Variants in BAZ2B observed in about 807,000 individuals in gnomAD.
BAZ2B encodes bromodomain adjacent to zinc finger domain 2B, also known as bromodomain adjacent to zinc finger domain protein 2B.
BAZ2B carries 91 observed loss-of-function variants against 246.0 expected under a neutral mutation model. That is an observed-to-expected ratio of 0.37 (90% confidence interval 0.31 to 0.44). BAZ2B has a LOEUF of 0.44. BAZ2B is among the 20% of genes least tolerant of loss of function. The pLI, the probability that BAZ2B is intolerant of heterozygous loss-of-function variation, is 1.00. For missense variants in BAZ2B, 2,332 were observed against 2,533.7 expected (o/e 0.92, Z 1.71); for synonymous variants, 855 against 860.0 (o/e 0.99, Z 0.10).
In BAZ2B at chr2:159,349,067, G is replaced by A. The variant is rs766895095; in HGVS notation, c.5077C>T (p.Pro1693Ser). ...PQNEKATSAQ[P>S]AAVEVAKPVD... ...GGTTTTGCTACTTCAACAGCTGCAG[G>A]TTGAGCTGAAGTGGCCTTTTCATTC... is the stretch of plus-strand genomic sequence containing the variant. Residue 1693 changes from proline to serine, a missense_variant, in exon 29 of 37, where the codon CCT becomes TCT. Around this residue, in one of 9 missense-constraint regions of BAZ2B, gnomAD observed 676 missense variants for 668.6 expected, o/e 1.01. Coordinates refer to ENST00000392783, the MANE Select transcript of BAZ2B (RefSeq NM_013450.4). 6.2e-7 allele frequency: 1 copy of A among 1,614,122 alleles called. No individual in the cohort carries two copies. Among genetic ancestry groups the A allele is most frequent in the Non-Finnish European group, 8.5e-7 (1 of 1,180,002 alleles).
intron 27 of BAZ2B, among the ~76,000 whole-genome samples, chr2:159,371,438 C>A (rs966850219): frequency 1.8e-4 from 27 of 152,336 alleles, no homozygotes; most frequent in Admixed American, 1.6e-3. Context: ...GCCACCATGT[C>A]TGGCCCATAA....
At chr2:159,622,263 CAAAAAAA>C in the BAZ2B span, among the ~76,000 whole-genome samples, 1 of 64,982 alleles carries the variant, frequency 1.5e-5, no homozygotes, top group Non-Finnish European at 2.9e-5. Flanking sequence ...AGTACTGTCT[CAAAAAAA>C]AAAAAAAAAA....
At chr2:159,424,153 T>C (rs1471468166) in intron 13 of BAZ2B, among the ~76,000 whole-genome samples, 3 of 152,148 alleles carry the variant, frequency 2.0e-5, no homozygotes, top group Non-Finnish European at 4.4e-5. Flanking sequence ...AATTATGGGC[T>C]TTTTTTCTTT....
intron 27 of BAZ2B, among the ~76,000 whole-genome samples, chr2:159,355,023 A>G (rs1468147685): frequency 6.6e-6 from 1 of 152,180 alleles, no homozygotes; most frequent in African/African-American, 2.4e-5. Context: ...AGTTCACTTA[A>G]TTGTTCTCAC....
chr2:159,489,721 A>G (rs1271954207), intron 2 of BAZ2B, among the ~76,000 whole-genome samples: 2 of 152,106 alleles, frequency 1.3e-5, no homozygotes, highest in East Asian at 3.9e-4. Context: ...TAGGCAAATT[A>G]GAAGAACCCA....
the BAZ2B span, among the ~76,000 whole-genome samples, chr2:159,684,819 A>C: frequency 2.6e-5 from 4 of 152,350 alleles, no homozygotes; most frequent in African/African-American, 9.6e-5. Context: ...GCATTCTATG[A>C]TATAGAATAA....
chr2:159,670,206 AG>A, the BAZ2B span, among the ~76,000 whole-genome samples: 1 of 152,156 alleles, frequency 6.6e-6, no homozygotes, highest in Non-Finnish European at 1.5e-5. Context: ...CCTGACCTCA[AG>A]TGATCCACCT....
At chr2:159,552,109 C>T (rs1227987773) in intron 2 of BAZ2B, among the ~76,000 whole-genome samples, 1 of 152,082 alleles carries the variant, frequency 6.6e-6, no homozygotes, top group African/African-American at 2.4e-5. Flanking sequence ...GGTTTTCTCG[C>T]CCATTACCTA....
chr2:159,413,537 G>A (rs368199337), intron 13 of BAZ2B, among the ~76,000 whole-genome samples: 19 of 152,008 alleles, frequency 1.2e-4, no homozygotes, highest in East Asian at 3.9e-4. Flanking sequence ...GTGAAACCCC[G>A]TCTCTACTAA....
At position 159,552,146 on chromosome 2, in the gene BAZ2B, T is replaced by C. The variant is rs190006264; in HGVS notation, c.-3+3677A>G. ...GGGGAATGCAGAGTACTCTAAACTA[T>C]TCTATAGTTCATTTTGGTTTTTTAA... On this transcript the variant is annotated intron_variant, in intron 2 of 36. Transcript: ENST00000392783. Among the ~76,000 whole-genome samples the C allele has an allele frequency of 5.9e-5, 9 of 152,278 alleles. No individual in the cohort carries two copies. In the East Asian group the frequency reaches 1.7e-3, roughly 29 times the overall value.
intron 27 of BAZ2B, among the ~76,000 whole-genome samples, chr2:159,356,451 C>T (rs1329856076): frequency 4.6e-5 from 7 of 152,228 alleles, no homozygotes; most frequent in Admixed American, 4.6e-4. Flanking sequence ...TTTCTCCTCT[C>T]TGGACAGGGC....
chr2:159,597,537 AT>A (rs1239365579), intron 1 of BAZ2B, among the ~76,000 whole-genome samples: 2 of 151,668 alleles, frequency 1.3e-5, no homozygotes, highest in African/African-American at 2.4e-5. Flanking sequence ...ACTTTTTAAA[AT>A]TTTTTTTTGG....
At chr2:159,696,672 T>C in the BAZ2B span, among the ~76,000 whole-genome samples, 132 of 152,352 alleles carry the variant, frequency 8.7e-4, no homozygotes, top group African/African-American at 3.1e-3. Context: ...CACAAAGGCA[T>C]GAATAATGGC....
At chr2:159,591,613 C>T (rs539622295) in intron 1 of BAZ2B, among the ~76,000 whole-genome samples, 6 of 152,182 alleles carry the variant, frequency 3.9e-5, no homozygotes, top group Admixed American at 3.3e-4. Context: ...AGGACCTTGC[C>T]ATTCCAATAT....
downstream of BAZ2B, among the ~76,000 whole-genome samples, chr2:159,317,819 G>C (rs979761858): frequency 2.0e-5 from 3 of 151,772 alleles, no homozygotes; most frequent in African/African-American, 7.3e-5. Context: ...GCCCAACCAA[G>C]GGCACTGGGA....
intron 33 of BAZ2B, 103 bp downstream of exon 33, chr2:159,336,839 A>T: frequency 9.5e-7 from 1 of 1,053,176 alleles, no homozygotes; most frequent in Non-Finnish European, 1.3e-6. Flanking sequence ...TATAGCATAC[A>T]TTATTATGAC....
At chr2:159,427,258 A>T (rs185274994) in intron 13 of BAZ2B, among the ~76,000 whole-genome samples, 1 of 152,220 alleles carries the variant, frequency 6.6e-6, no homozygotes, top group Non-Finnish European at 1.5e-5. Context: ...ACAACTAAGG[A>T]ACAAAGGGAA....
the BAZ2B span, among the ~76,000 whole-genome samples, chr2:159,621,692 C>T: frequency 6.6e-6 from 1 of 152,190 alleles, no homozygotes; most frequent in Non-Finnish European, 1.5e-5. Context: ...GTGTTCAAGG[C>T]CACACATGGT....
At chr2:159,378,955 T>C (rs1390172736) in intron 25 of BAZ2B, among the ~76,000 whole-genome samples, 2 of 152,008 alleles carry the variant, frequency 1.3e-5, no homozygotes, top group Admixed American at 6.6e-5. Context: ...CCTCAAAAAA[T>C]TAAGAATAGA....
Sources: allele counts gnomAD v4.1 joint callset (sites outside exome capture counted in the v4.1 genomes callset), GRCh38; gene constraint gnomAD v4.1.1; regional missense constraint gnomAD v4.1.1; transcripts MANE v1.5; gene names NCBI Gene and HGNC (gene_info 2026-07-23, HGNC 2026-07-21).